The following STIL variants were observed in gnomAD, a reference collection of about 807,000 sequenced individuals.
The protein encoded by STIL is STIL centriolar assembly protein, also known as SCL-interrupting locus protein.
A neutral mutation model predicts 110.1 loss-of-function variants in STIL; 55 were observed. The observed-to-expected ratio is 0.50, with a 90% CI of 0.40 to 0.63. The LOEUF (loss-of-function observed/expected upper bound fraction) is 0.63, where lower values mean the gene tolerates loss of function less well. STIL is among the 20% of genes least tolerant of loss of function. The pLI is 0.00. For missense variants in STIL, 1,358 were observed against 1,530.0 expected (o/e 0.89, Z 1.87); for synonymous variants, 481 against 530.0 (o/e 0.91, Z 1.27).
intron 6 of STIL, among the ~76,000 whole-genome samples, chr1:47,296,526 C>T (rs1020687266): frequency 5.3e-5 from 8 of 151,994 alleles, no homozygotes; most frequent in Non-Finnish European, 1.0e-4. Flanking sequence ...GTGGGTCAGG[C>T]ATGGTGGCTC....
At chr1:47,286,976 G>C (rs983582341) in intron 10 of STIL, among the ~76,000 whole-genome samples, 2 of 152,080 alleles carry the variant, frequency 1.3e-5, no homozygotes, top group Non-Finnish European at 2.9e-5. Flanking sequence ...GCTCGCCTTG[G>C]ACTCCCAAAG....
upstream of STIL, among the ~76,000 whole-genome samples, chr1:47,314,425 G>A (rs1293416661): frequency 1.3e-5 from 2 of 152,186 alleles, no homozygotes. Flanking sequence ...GGCGGGGTAG[G>A]CTTTCCGCAA....
intron 1 of STIL, among the ~76,000 whole-genome samples, chr1:47,310,683 A>AT (rs1376277875): frequency 6.6e-6 from 1 of 152,172 alleles, no homozygotes; most frequent in Non-Finnish European, 1.5e-5. Flanking sequence ...AATGTATGAG[A>AT]TTTTGACCAA....
At chr1:47,253,191 A>G (rs916234011) in intron 16 of STIL, among the ~76,000 whole-genome samples, 1 of 152,188 alleles carries the variant, frequency 6.6e-6, no homozygotes, top group Non-Finnish European at 1.5e-5. Context: ...TACATTCCTT[A>G]CAGTAACCTT....
Position 47,282,342 on chromosome 1 carries a change from T to TA in STIL, c.1248+2dup, listed in dbSNP as rs1165212934. The TA allele has an allele frequency of 2.5e-6, 4 of 1,586,598 alleles. No individual in the cohort carries two copies. The highest frequency in any genetic ancestry group is 3.5e-6 in the Non-Finnish European group (4 of 1,156,754). ...AGTGAATGCATTTTAAAATCAGTGA[T>TA]ACCTTCTGACTCACTGGATGAGGAC... is the stretch of plus-strand genomic sequence containing the variant. On this transcript the variant is annotated splice_region_variant and intron_variant, in intron 11 of 16. Transcript: ENST00000371877.
intron 1 of STIL, 47 bp from the exon 2 acceptor site, chr1:47,310,409 A>C: frequency 1.6e-6 from 2 of 1,231,630 alleles, no homozygotes; most frequent in Non-Finnish European, 2.3e-6. Context: ...AAAACAAAGA[A>C]GAAAAATATG....
chr1:47,299,827 C>A, intron 6 of STIL, 78 bp downstream of exon 6: 2 of 1,461,072 alleles, frequency 1.4e-6, no homozygotes, highest in Non-Finnish European at 1.9e-6. Flanking sequence ...ATTGACTGGA[C>A]AATTCTTTCA....
intron 16 of STIL, among the ~76,000 whole-genome samples, chr1:47,254,551 G>GA (rs1644276914): frequency 6.6e-6 from 1 of 150,736 alleles, no homozygotes; most frequent in African/African-American, 2.4e-5. Flanking sequence ...TTTTTTTTGA[G>GA]ACAAGGTCTC....
chr1:47,309,456 A>T (rs4147193), intron 2 of STIL, among the ~76,000 whole-genome samples: 1 of 150,498 alleles, frequency 6.6e-6, no homozygotes. Flanking sequence ...AAGAGATGGC[A>T]GGGGGGTAGA....
chr1:47,291,108 G>A (rs894304921), intron 8 of STIL, among the ~76,000 whole-genome samples: 1 of 152,008 alleles, frequency 6.6e-6, no homozygotes, highest in Non-Finnish European at 1.5e-5. Context: ...GCCTGTAATC[G>A]CAGCACTTTG....
At chr1:47,261,238 A>C (rs1161903428) in intron 15 of STIL, among the ~76,000 whole-genome samples, 1 of 151,494 alleles carries the variant, frequency 6.6e-6, no homozygotes, top group Non-Finnish European at 1.5e-5. Flanking sequence ...AAATACAAAA[A>C]TTAGCCGGGT....
intron 2 of STIL, among the ~76,000 whole-genome samples, chr1:47,306,613 G>A (rs1346881784): frequency 6.6e-6 from 1 of 152,006 alleles, no homozygotes; most frequent in Admixed American, 6.5e-5. Flanking sequence ...CAACAGTTAT[G>A]AAAAGCAAAA....
intron 2 of STIL, 197 bp from the exon 3 acceptor site, chr1:47,305,193 T>C (rs1645919780): frequency 1.2e-5 from 6 of 497,436 alleles, no homozygotes; most frequent in Middle Eastern, 5.7e-4. Context: ...TGGCGTGATC[T>C]CAGCTCACTG....
At chr1:47,276,117 CT>C (rs1644984032) in intron 12 of STIL, among the ~76,000 whole-genome samples, 1 of 151,802 alleles carries the variant, frequency 6.6e-6, no homozygotes, top group Non-Finnish European at 1.5e-5. Flanking sequence ...ATTCTCATGC[CT>C]CAGCCTCCTA....
intron 10 of STIL, among the ~76,000 whole-genome samples, chr1:47,285,212 T>A (rs964382307): frequency 6.6e-6 from 1 of 151,994 alleles, no homozygotes; most frequent in Non-Finnish European, 1.5e-5. Context: ...TTTCTGTTTT[T>A]GTAGAGGCAG....
chr1:47,267,357 A>AC (rs1353576262), intron 14 of STIL, among the ~76,000 whole-genome samples: 1 of 152,190 alleles, frequency 6.6e-6, no homozygotes, highest in Non-Finnish European at 1.5e-5. Flanking sequence ...TTGTGGTAGC[A>AC]CGTACCAGAA....
Position 47,269,756 on chromosome 1 carries a change from T to C in STIL, c.2494A>G (p.Asn832Asp). ...SEDMNFSVDI[N>D]NEVTSLPGSA... The stretch of plus-strand genomic sequence containing the variant: ...CCTGGAAGACTTGTGACTTCATTAT[T>C]AATATCGACAGAAAAATTCATGTCC... Residue 832 changes from asparagine (N) to aspartate (D), a missense_variant, in exon 14 of 17, where the codon AAT (asparagine) becomes GAT (aspartate). Transcript: ENST00000371877. 1.2e-6 allele frequency: 2 copies of C among 1,614,176 alleles called. No individual in the cohort carries two copies. Among genetic ancestry groups the C allele is most frequent in the South Asian group, 1.1e-5 (1 of 91,088 alleles).
chr1:47,272,030 G>A, intron 13 of STIL, 46 bp downstream of exon 13: 1 of 1,594,938 alleles, frequency 6.3e-7, no homozygotes, highest in Non-Finnish European at 8.6e-7. Context: ...GATATGAAAA[G>A]CATTTTTAAC....
chr1:47,259,571 G>A (rs1462640654), intron 16 of STIL, among the ~76,000 whole-genome samples: 1 of 152,150 alleles, frequency 6.6e-6, no homozygotes, highest in African/African-American at 2.4e-5. Context: ...TTACAGGCGT[G>A]AGCCACCGCG....
Sources: allele counts gnomAD v4.1 joint callset (sites outside exome capture counted in the v4.1 genomes callset), GRCh38; gene constraint gnomAD v4.1.1; transcripts MANE v1.5; gene names NCBI Gene and HGNC (gene_info 2026-07-23, HGNC 2026-07-21).